Variants in SRPRA observed in about 807,000 individuals in gnomAD.
SRPRA encodes the protein SRP receptor subunit alpha, also known as signal recognition particle receptor subunit alpha.
In SRPRA, 30 loss-of-function variants were observed where a neutral mutation model predicts 61.1. The ratio of observed to expected loss-of-function variants is 0.49; its 90% confidence interval spans 0.37 to 0.67. The LOEUF is 0.67. Ranked by LOEUF, SRPRA falls within the 30% of genes least tolerant of loss-of-function variation. The pLI, the probability that SRPRA is intolerant of heterozygous loss-of-function variation, is 0.00. For synonymous variants in SRPRA, 324 were observed against 299.7 expected (o/e 1.08, Z -0.84); for missense variants, 759 against 828.4 (o/e 0.92, Z 1.03).
Position 126,266,625 on chromosome 11 carries a change from A to T in SRPRA, c.691T>A (p.Ser231Thr). The T allele has an allele frequency of 3.1e-6, 5 of 1,613,690 alleles. No individual in the cohort carries two copies. The highest frequency in any genetic ancestry group is 4.2e-6 in the Non-Finnish European group (5 of 1,179,776). The change falls in exon 6 of 14, where the codon TCC becomes ACC. Residue 231 changes from serine to threonine, a missense_variant. This residue lies in a region of SRPRA where 475 missense variants were observed against 462.5 expected (regional missense o/e 1.03). Coordinates refer to ENST00000332118, the MANE Select transcript of SRPRA (RefSeq NM_003139.4). ...TCCTTTGGAGCATCTGACTTCGTGG[A>T]CTTGCTGCAACAGGTTATGATACAA... is the stretch of plus-strand genomic sequence containing the variant. The part of the protein sequence containing the change: ...HGRGMEKSNK[S>T]TKSDAPKEKG...
At position 126,267,975 on chromosome 11, in the gene SRPRA, A is replaced by G. The variant is rs767090308; in HGVS notation, c.201+28T>C. 1 of 1,607,000 alleles carries G rather than the reference A, an allele frequency of 6.2e-7. No homozygotes were observed. The highest frequency in any genetic ancestry group is 2.2e-5 in the East Asian group (1 of 44,856). ...AAAATCAGGGCTATGTTAACAATGC[A>G]ATCGTCCCTCTACAACACCCCACTT... On this transcript the variant is annotated intron_variant, in intron 2 of 13. Coordinates refer to ENST00000332118, the MANE Select transcript of SRPRA (RefSeq NM_003139.4). The surrounding 1 kb of genome is among the most constrained non-coding windows in gnomAD (Gnocchi z 4.2).
chr11:126,267,381 G>A lies in SRPRA; in HGVS notation c.366-46C>T. On this transcript the variant is annotated intron_variant, in intron 3 of 13. Coordinates refer to ENST00000332118, the MANE Select transcript of SRPRA (RefSeq NM_003139.4). The surrounding 1 kb of genome is among the most constrained non-coding windows in gnomAD (Gnocchi z 4.2). ...TTTATCTTTCTACCCCATGCAGAAG[G>A]AAAAATAACGGTCCAGAGAAAGGAC... 6.2e-7 allele frequency: 1 copy of A among 1,603,482 alleles called. No individual in the cohort carries two copies. Among genetic ancestry groups the A allele is most frequent in the Non-Finnish European group, 8.5e-7 (1 of 1,175,636 alleles).
chr11:126,260,756 A>G (rs1950673598), downstream of SRPRA: 1 of 152,184 alleles, frequency 6.6e-6, no homozygotes, highest in African/African-American at 2.4e-5. Flanking sequence ...ACTGTAATTG[A>G]CCATATTTCT....
chr11:126,241,279 G>C, the SRPRA span: 1 of 409,704 alleles, frequency 2.4e-6, no homozygotes, highest in African/African-American at 2.0e-5. Flanking sequence ...ATGATGTTGA[G>C]GACTTTATAT....
At chr11:126,261,539 G>T (rs1238959800), downstream of SRPRA, 6 of 1,452,296 alleles carry the variant, frequency 4.1e-6, no homozygotes, top group Admixed American at 8.6e-5. Context: ...GTCTTTCTAG[G>T]TCCTTGGTTA....
chr11:126,259,632 G>A (rs9794811), downstream of SRPRA, among the ~76,000 whole-genome samples: 8,201 of 150,550 alleles, frequency 0.054, 352 homozygotes, highest in East Asian at 0.17. Context: ...TCACCATGTT[G>A]GCCAGGATGG....
At chr11:126,260,135 C>T (rs1057156692), downstream of SRPRA, among the ~76,000 whole-genome samples, 8 of 151,972 alleles carry the variant, frequency 5.3e-5, no homozygotes, top group South Asian at 2.1e-4. Flanking sequence ...CGGGCTCAGG[C>T]GATCCTCCCA....
chr11:126,261,995 C>G (rs537056086), downstream of SRPRA: 4 of 882,260 alleles, frequency 4.5e-6, no homozygotes, highest in African/African-American at 5.1e-5. Context: ...AAATAAATTA[C>G]AAGATTCCTA....
chr11:126,256,242 G>C, the SRPRA span, among the ~76,000 whole-genome samples: 6 of 152,184 alleles, frequency 3.9e-5, no homozygotes, highest in Non-Finnish European at 7.3e-5. This position sits in a 1 kb window ranked among gnomAD's most constrained non-coding sequence, Gnocchi z 6.6. Context: ...CTCTAGCCCA[G>C]GTGAAAGAGT....
intron 1 of SRPRA, 53 bp downstream of exon 1, chr11:126,268,635 T>A: frequency 6.8e-7 from 1 of 1,480,382 alleles, no homozygotes. Flanking sequence ...AAGGGGACCA[T>A]GGATCGGGTC....
the SRPRA span, among the ~76,000 whole-genome samples, chr11:126,237,588 G>A: frequency 7.3e-6 from 1 of 136,368 alleles, no homozygotes; most frequent in Admixed American, 7.4e-5. Context: ...TGTCATCCCA[G>A]CACTTTGGGA....
rs758199114 is a variant in SRPRA, at chr11:126,266,660, G to A, written c.687-31C>T. ...ACAGGTTATGATACAAAGAGTTATG[G>A]TGGAGAAGTAGGAAAGGAAACATGA... On this transcript the variant is annotated intron_variant, in intron 5 of 13. Coordinates refer to ENST00000332118, the MANE Select transcript of SRPRA (RefSeq NM_003139.4). The A allele has an allele frequency of 6.8e-6, 11 of 1,610,746 alleles. No homozygotes were observed. The African/African-American group carries it at 1.2e-4, about 18-fold the overall frequency.
chr11:126,264,293 G>C lies in SRPRA; in HGVS notation c.1690-4C>G. ...CCAAGGCTCTGTTGAACTTGACCTG[G>C]AAAGAAAAAGTGATAGAAGTGTAAG... On this transcript the variant is annotated splice_region_variant and splice_polypyrimidine_tract_variant and intron_variant, in intron 12 of 13. Coordinates refer to ENST00000332118, the MANE Select transcript of SRPRA (RefSeq NM_003139.4). The surrounding 1 kb of genome is among the most constrained non-coding windows in gnomAD (Gnocchi z 5.0). 6.2e-7 allele frequency: 1 copy of C among 1,613,294 alleles called. No homozygotes were observed. Among genetic ancestry groups the C allele is most frequent in the Non-Finnish European group, 8.5e-7 (1 of 1,179,670 alleles).
At position 126,263,104 on chromosome 11, in the gene SRPRA, G is replaced by A. The variant is rs1591535577; in HGVS notation, c.*812C>T. On this transcript the variant is annotated 3_prime_UTR_variant, in exon 14 of 14. Transcript: ENST00000332118. ...ACTTGTCTACCAGGCACTGTAGAGG[G>A]GAGTGATGAGGAAAAGCCAGGACTG... The A allele has an allele frequency of 6.6e-6, 1 of 152,626 alleles. No homozygotes were observed. Among genetic ancestry groups the A allele is most frequent in the Admixed American group, 6.5e-5 (1 of 15,278 alleles). 9.5% of individuals were successfully genotyped at this position (152,626 alleles called of 1,614,324 possible).
chr11:126,255,321 C>CAA, the SRPRA span, among the ~76,000 whole-genome samples: 1 of 152,150 alleles, frequency 6.6e-6, no homozygotes, highest in African/African-American at 2.4e-5. This position sits in a 1 kb window ranked among gnomAD's most constrained non-coding sequence, Gnocchi z 4.6. Flanking sequence ...TAGATTATAG[C>CAA]ATCTTTTAAT....
chr11:126,261,105 C>T, downstream of SRPRA: 1 of 230,642 alleles, frequency 4.3e-6, no homozygotes, highest in Non-Finnish European at 8.5e-6. Flanking sequence ...TTTACCGAAA[C>T]TTGGCCCTCT....
At position 126,263,714 on chromosome 11, in the gene SRPRA, A is replaced by C; in HGVS notation, c.*202T>G. The C allele has an allele frequency of 1.4e-6, 1 of 692,742 alleles. No homozygotes were observed. The allele number at this position is 692,742 out of a possible 1,614,324, so 42.9% of individuals were successfully genotyped here. A position where few individuals can be genotyped will look rare whatever the true frequency, so the allele number is the denominator to read the frequency against. Reference sequence around the variant, plus strand: ...GCCCGCTGGGAGAGGGTCAGTGGGCAGTGATTGTAACATGATTAGGCCTTC... The same window carrying C: ...GCCCGCTGGGAGAGGGTCAGTGGGCCGTGATTGTAACATGATTAGGCCTTC... On this transcript the variant is annotated 3_prime_UTR_variant, in exon 14 of 14. Coordinates refer to ENST00000332118, the MANE Select transcript of SRPRA (RefSeq NM_003139.4).
At chr11:126,254,055 A>C in the SRPRA span, among the ~76,000 whole-genome samples, 1 of 152,210 alleles carries the variant, frequency 6.6e-6, no homozygotes, top group Non-Finnish European at 1.5e-5. Flanking sequence ...TGTTTCTGCA[A>C]ATTATGACAA....
chr11:126,267,488 C>T lies in SRPRA; in HGVS notation c.365+61G>A. On this transcript the variant is annotated intron_variant, in intron 3 of 13. Coordinates refer to ENST00000332118, the MANE Select transcript of SRPRA (RefSeq NM_003139.4). This position sits in a 1 kb window ranked among gnomAD's most constrained non-coding sequence, Gnocchi z 4.2. ...ACATCAATTTACCACCTTTGAACCA[C>T]CTTCAGAGAGGTCATCAAATCATGG... 6.2e-7 allele frequency: 1 copy of T among 1,607,364 alleles called. No homozygotes were observed. The highest frequency in any genetic ancestry group is 8.5e-7 in the Non-Finnish European group (1 of 1,175,972).
Sources: allele counts gnomAD v4.1 joint callset (sites outside exome capture counted in the v4.1 genomes callset), GRCh38; gene constraint gnomAD v4.1.1; regional missense constraint gnomAD v4.1.1; non-coding constraint Gnocchi (gnomAD v3.1); transcripts MANE v1.5; gene names NCBI Gene and HGNC (gene_info 2026-07-23, HGNC 2026-07-21).